Variants in COL6A5 observed in about 807,000 individuals in gnomAD.
The protein encoded by COL6A5 is collagen type VI alpha 5 chain, also known as collagen alpha-5(VI) chain.
In COL6A5, 48 loss-of-function variants were observed where a neutral mutation model predicts 65.6. That is an observed-to-expected ratio of 0.73 (90% CI 0.58 to 0.93). COL6A5 has a LOEUF of 0.93. COL6A5 is among the 40% of genes least tolerant of loss of function. COL6A5 has a pLI of 0.00. For missense variants in COL6A5, 914 were observed against 928.3 expected (o/e 0.98, Z 0.20); for synonymous variants, 291 against 322.8 (o/e 0.90, Z 1.05).
exon 3 of COL6A5, chr3:130,376,720 A>G: frequency 6.2e-7 from 1 of 1,613,672 alleles, no homozygotes; most frequent in East Asian, 2.2e-5. Flanking sequence ...GCCACATCCC[A>G]TTTCCATTTC....
chr3:130,410,463 AT>A lies in COL6A5; in HGVS notation c.4609-3del. The A allele has an allele frequency of 6.5e-7, 1 of 1,548,184 alleles. No individual in the cohort carries two copies. Among genetic ancestry groups the A allele is most frequent in the South Asian group, 1.2e-5 (1 of 83,710 alleles). Reference sequence around the variant, plus strand: ...CTTTTGATCTTGAGGAAATTATTATATTTTTAGGGTAGAAGTGGACAGAAAG... The same window carrying A: ...CTTTTGATCTTGAGGAAATTATTATATTTTAGGGTAGAAGTGGACAGAAAG... On this transcript the variant is annotated splice_polypyrimidine_tract_variant and splice_region_variant and intron_variant and NMD_transcript_variant, in intron 19 of 41. Coordinates refer to the COL6A5 transcript ENST00000312481.
exon 8 of COL6A5, chr3:130,395,102 A>G: frequency 6.4e-7 from 1 of 1,551,676 alleles, no homozygotes; most frequent in Non-Finnish European, 8.7e-7. Context: ...AACCCAGTGG[A>G]AGACTCAAAT....
intron 6 of COL6A5, 36 bp from the exon 7 acceptor site, chr3:130,391,143 A>G: frequency 6.8e-7 from 1 of 1,467,818 alleles, no homozygotes; most frequent in South Asian, 1.3e-5. Context: ...AATGCACTGC[A>G]GAAAGTTTGT....
chr3:130,398,207 T>TGCAA, intron 10 of COL6A5, 96 bp downstream of exon 10: 1 of 797,330 alleles, frequency 1.3e-6, no homozygotes. Context: ...CTCAGCTCAC[T>TGCAA]GCAAGCTCCA....
chr3:130,427,303 T>A (rs1388574848), upstream of COL6A5, among the ~76,000 whole-genome samples: 1 of 152,220 alleles, frequency 6.6e-6, no homozygotes, highest in African/African-American at 2.4e-5. Flanking sequence ...TTCTTCATTA[T>A]GTTTCCATTG....
At chr3:130,440,647 G>A in exon 3 of COL6A5, 7 of 1,613,494 alleles carry the variant, frequency 4.3e-6, no homozygotes, top group Non-Finnish European at 5.9e-6. Flanking sequence ...TGGCTTTGAG[G>A]GCTAAGTGTC....
At chr3:130,406,365 G>A (rs541836767) in intron 17 of COL6A5, 44 bp downstream of exon 17, 2 of 1,445,796 alleles carry the variant, frequency 1.4e-6, no homozygotes, top group Non-Finnish European at 1.9e-6. Context: ...AGAATTTGGT[G>A]ACAGAGACAG....
chr3:130,416,580 C>G (rs1180125642), intron 23 of COL6A5, among the ~76,000 whole-genome samples, 177 bp from the exon 24 acceptor site: 1 of 152,112 alleles, frequency 6.6e-6, no homozygotes, highest in East Asian at 1.9e-4. Context: ...AGGACTGGAA[C>G]CTGAGTCATC....
At chr3:130,449,713 G>A (rs375587059) in intron 4 of COL6A5, among the ~76,000 whole-genome samples, 3 of 152,104 alleles carry the variant, frequency 2.0e-5, no homozygotes, top group South Asian at 2.1e-4. Flanking sequence ...TTTCACCGCC[G>A]GAGCCCATCC....
rs368040060 is a variant in COL6A5 at position 130,455,547 on chromosome 3, C to T, written c.1427C>T (p.Thr476Met). The stretch of plus-strand genomic sequence containing the variant: ...GGGAGAGAATCACCTTTTGTAAAGA[C>T]GGAAGACAATGGAAGTGACTATTTG... The change falls in exon 5 of 8, where the codon ACG (threonine) becomes ATG (methionine). Residue 476 changes from threonine to methionine, a missense_variant. Thr to Met is a moderately conservative substitution (Grantham distance 81). Transcript: ENST00000512836. The T allele has an allele frequency of 1.8e-4, 288 of 1,612,366 alleles. No homozygotes were observed. The highest frequency in any genetic ancestry group is 1.4e-3 in the South Asian group (126 of 91,034).
chr3:130,464,732 T>A lies in COL6A5; in HGVS notation c.1545-4063T>A, dbSNP rs141119741. 3.5e-3 allele frequency among the ~76,000 whole-genome samples: 528 copies of A among 152,224 alleles called. 3 individuals carry two copies. Among genetic ancestry groups the A allele is most frequent in the African/African-American group, 0.012 (500 of 41,556 alleles). ...ATGTTTTGTTGTTTAATCAGGGACC[T>A]CAATCTTGACCAGGAATTCTAAGAG... On this transcript the variant is annotated intron_variant, in intron 5 of 7. Coordinates refer to ENST00000512836, the Ensembl canonical transcript of COL6A5.
intron 1 of COL6A5, among the ~76,000 whole-genome samples, chr3:130,372,639 T>C (rs1399796790): frequency 6.6e-6 from 1 of 152,058 alleles, no homozygotes; most frequent in Admixed American, 6.5e-5. Context: ...AGAAAGCAAG[T>C]AGATCAGTGC....
At chr3:130,419,023 G>C in intron 25 of COL6A5, 92 bp downstream of exon 25, 1 of 914,926 alleles carries the variant, frequency 1.1e-6, no homozygotes, top group Admixed American at 2.1e-5. Context: ...CCAATTATGG[G>C]GGGCATGAAA....
chr3:130,417,620 G>A (rs1053335649), intron 24 of COL6A5, among the ~76,000 whole-genome samples: 4 of 152,038 alleles, frequency 2.6e-5, no homozygotes, highest in African/African-American at 9.7e-5. Flanking sequence ...TGTGGTTCTC[G>A]AACCACGACT....
chr3:130,379,416 A>G lies in COL6A5; in HGVS notation c.668-2A>G. Reference sequence around the variant, plus strand: ...ATCCTCACACATTTTCTGTCTGCATAGTTCACTTCCCCATATCCTGTCAGA... The same window carrying G: ...ATCCTCACACATTTTCTGTCTGCATGGTTCACTTCCCCATATCCTGTCAGA... On this transcript the variant is annotated splice_acceptor_variant and NMD_transcript_variant, in intron 3 of 41. Transcript: ENST00000312481. 2 of 1,549,260 alleles carry G rather than the reference A, an allele frequency of 1.3e-6. No homozygotes were observed. The highest frequency in any genetic ancestry group is 1.2e-5 in the South Asian group (1 of 83,738).
At chr3:130,480,361 A>G (rs1710204739) in intron 7 of COL6A5, among the ~76,000 whole-genome samples, 1 of 152,054 alleles carries the variant, frequency 6.6e-6, no homozygotes, top group African/African-American at 2.4e-5. Flanking sequence ...ATAAGAACAT[A>G]CACTTAAATA....
intron 7 of COL6A5, among the ~76,000 whole-genome samples, chr3:130,393,099 T>G (rs1387622468): frequency 1.3e-5 from 2 of 151,222 alleles, no homozygotes; most frequent in Non-Finnish European, 3.0e-5. Context: ...TGTGTGTGTG[T>G]GTGTTTTTCT....
exon 8 of COL6A5, chr3:130,395,216 G>A: frequency 6.4e-7 from 1 of 1,551,622 alleles, no homozygotes; most frequent in Non-Finnish European, 8.7e-7. Context: ...AAATGCTGGT[G>A]TCCCCCAAAC....
chr3:130,445,325 C>G (rs1297927089), intron 4 of COL6A5, among the ~76,000 whole-genome samples: 2 of 152,220 alleles, frequency 1.3e-5, no homozygotes, highest in African/African-American at 2.4e-5. Flanking sequence ...CCTTCTCGAG[C>G]TCGAACCAAC....
Sources: gnomAD v4.1 joint callset for allele counts (sites outside exome capture counted in the v4.1 genomes callset) on GRCh38, gnomAD v4.1.1 for gene constraint, MANE v1.5 for transcripts, NCBI Gene and HGNC (gene_info 2026-07-23, HGNC 2026-07-21) for gene names.